DCP1B: variants seen among roughly 807,000 people sequenced by gnomAD.
DCP1B encodes mRNA-decapping enzyme 1B.
In DCP1B, 47 loss-of-function variants were observed where a neutral mutation model predicts 60.5. That is an observed-to-expected ratio of 0.78 (90% CI 0.61 to 0.99). The LOEUF is 0.99. Among genes scored for constraint, DCP1B ranks in the 50% least tolerant of loss-of-function variants. DCP1B has a pLI of 0.00. For missense variants in DCP1B, 725 were observed against 756.8 expected (o/e 0.96, Z 0.49); for synonymous variants, 267 against 280.3 (o/e 0.95, Z 0.47).
At chr12:1,988,457 G>A (rs2038426047) in intron 3 of DCP1B, among the ~76,000 whole-genome samples, 1 of 152,176 alleles carries the variant, frequency 6.6e-6, no homozygotes, top group African/African-American at 2.4e-5. Flanking sequence ...TTACCATTCT[G>A]CAGGGTGGGT....
Position 1,987,319 on chromosome 12 carries a change from C to A in DCP1B, c.319+5945G>T, listed in dbSNP as rs371211435. ...CTAGTATGCTACTCTTAAACAGGTG[C>A]ACACTGGGCTAGAAAGGCTTTTGTG... On this transcript the variant is annotated intron_variant, in intron 3 of 8. Transcript: ENST00000280665. Among the ~76,000 whole-genome samples, 4 of 152,184 alleles carry A rather than the reference C, an allele frequency of 2.6e-5. No homozygotes were observed. In the East Asian group the frequency reaches 7.7e-4, roughly 29 times the overall value.
chr12:1,950,623 T>C (rs1031172959), intron 7 of DCP1B, among the ~76,000 whole-genome samples: 2 of 152,208 alleles, frequency 1.3e-5, no homozygotes, highest in African/African-American at 4.8e-5. Context: ...TTTTGGCACA[T>C]GCCTAAGGTC....
chr12:2,003,702 A>T (rs2042705647), intron 1 of DCP1B, among the ~76,000 whole-genome samples: 1 of 152,226 alleles, frequency 6.6e-6, no homozygotes, highest in Non-Finnish European at 1.5e-5. Context: ...TCTTCCCAAG[A>T]GCATCAGCTT....
rs1300130436 is a variant in DCP1B at position 1,962,952 on chromosome 12, G to C, written c.522+2606C>G. 1.3e-5 allele frequency among the ~76,000 whole-genome samples: 2 copies of C among 152,130 alleles called. No homozygotes were observed. Among genetic ancestry groups the C allele is most frequent in the Admixed American group, 6.5e-5 (1 of 15,276 alleles). ...TGCCTATATGTGCCACTTCATTCAG[G>C]ATTTTTCTGATTGCTTCCTCATAGC... is the stretch of plus-strand genomic sequence containing the variant. On this transcript the variant is annotated intron_variant, in intron 5 of 8. Transcript: ENST00000280665. The surrounding 1 kb of genome is among the most constrained non-coding windows in gnomAD (Gnocchi z 4.4).
chr12:1,974,417 A>C (rs2033625250), intron 3 of DCP1B, among the ~76,000 whole-genome samples: 1 of 152,132 alleles, frequency 6.6e-6, no homozygotes, highest in South Asian at 2.1e-4. Flanking sequence ...TGTCATTAGG[A>C]TATGAGCTCC....
intron 3 of DCP1B, 150 bp from the exon 4 acceptor site, chr12:1,968,060 T>C (rs966063408): frequency 5.7e-6 from 4 of 701,294 alleles, no homozygotes; most frequent in African/African-American, 5.4e-5. Context: ...TCATTGGGGT[T>C]AAAGCTTAAA....
At chr12:1,975,771 A>G (rs1428773747) in intron 3 of DCP1B, among the ~76,000 whole-genome samples, 1 of 152,204 alleles carries the variant, frequency 6.6e-6, no homozygotes, top group East Asian at 1.9e-4. Context: ...ATCACCATAT[A>G]TGACTTTGCC....
At chr12:1,997,038 A>T (rs552805423) in intron 2 of DCP1B, among the ~76,000 whole-genome samples, 7 of 152,318 alleles carry the variant, frequency 4.6e-5, no homozygotes, top group Middle Eastern at 6.8e-3. Flanking sequence ...TGAAAAGTTT[A>T]TTTATTGAGC....
chr12:2,002,134 T>A (rs1310381339), intron 1 of DCP1B, among the ~76,000 whole-genome samples: 1 of 152,220 alleles, frequency 6.6e-6, no homozygotes, highest in Non-Finnish European at 1.5e-5. Flanking sequence ...CCTTCCTAAT[T>A]TCTCCTCCTT....
rs2032379516 is a variant in DCP1B, at chr12:1,971,773, A to G, written c.320-3863T>C. Among the ~76,000 whole-genome samples, 1 of 152,056 alleles carries G rather than the reference A, an allele frequency of 6.6e-6. No homozygotes were observed. On this transcript the variant is annotated intron_variant, in intron 3 of 8. Coordinates refer to ENST00000280665, the MANE Select transcript of DCP1B (RefSeq NM_152640.5). The surrounding 1 kb of genome is among the most constrained non-coding windows in gnomAD (Gnocchi z 4.2). ...AGTTCATTTTGCATGTTCTTTGGGG[A>G]TTTGCCTTATCTCATTTATGTTCCT... is the stretch of plus-strand genomic sequence containing the variant.
chr12:1,987,987 A>G (rs533543934), intron 3 of DCP1B, among the ~76,000 whole-genome samples: 4 of 152,322 alleles, frequency 2.6e-5, no homozygotes, highest in East Asian at 1.9e-4. Context: ...TTTTTCTTGG[A>G]TACCATTCCT....
chr12:1,955,630 T>A, intron 5 of DCP1B, 70 bp from the exon 6 acceptor site: 1 of 1,516,544 alleles, frequency 6.6e-7, no homozygotes, highest in Non-Finnish European at 8.9e-7. Flanking sequence ...AGACTACCTT[T>A]TTACTTCTTA....
At chr12:1,957,219 T>A (rs2030916868) in intron 5 of DCP1B, among the ~76,000 whole-genome samples, 1 of 152,204 alleles carries the variant, frequency 6.6e-6, no homozygotes, top group Non-Finnish European at 1.5e-5. Flanking sequence ...TATAATGGAT[T>A]CTTCACAGAG....
downstream of DCP1B, among the ~76,000 whole-genome samples, chr12:1,943,977 G>GTTCAAATAATATTC (rs2030344147): frequency 2.6e-5 from 4 of 152,210 alleles, no homozygotes; most frequent in East Asian, 7.7e-4. Context: ...ATTCAAATAG[G>GTTCAAATAATATTC]AACAGAGGAA....
At chr12:1,989,135 A>C (rs2038668168) in intron 3 of DCP1B, among the ~76,000 whole-genome samples, 1 of 152,040 alleles carries the variant, frequency 6.6e-6, no homozygotes, top group South Asian at 2.1e-4. Context: ...TGTAATGCCA[A>C]CTACTCAGGA....
intron 6 of DCP1B, 95 bp from the exon 7 acceptor site, chr12:1,953,383 T>C (rs1303968639): frequency 9.8e-6 from 13 of 1,326,640 alleles, no homozygotes; most frequent in South Asian, 8.0e-5. Flanking sequence ...ACTTATTCTA[T>C]TTACAAAGGA....
At chr12:1,993,656 GTA>G (rs71057814) in intron 2 of DCP1B, among the ~76,000 whole-genome samples, 18,585 of 151,370 alleles carry the variant, frequency 0.12, 1,370 homozygotes, top group Admixed American at 0.18. Flanking sequence ...GTGTGTGTGT[GTA>G]TACAGATGTT....
In DCP1B at chr12:1,948,459, T is replaced by C. The variant is rs555783231; in HGVS notation, c.1773+627A>G. Among the ~76,000 whole-genome samples the C allele has an allele frequency of 2.0e-5, 3 of 152,344 alleles. No homozygotes were observed. Among genetic ancestry groups the C allele is most frequent in the South Asian group, 4.1e-4 (2 of 4,824 alleles). ...AGTGAATGAGTTATATGCTTGTGTG[T>C]AGCACTGAAAATAGGGCCCGGCGCC... On this transcript the variant is annotated intron_variant, in intron 8 of 8. Transcript: ENST00000280665. The surrounding 1 kb of genome is among the most constrained non-coding windows in gnomAD (Gnocchi z 4.8).
chr12:1,942,761 G>A (rs116219035), downstream of DCP1B, among the ~76,000 whole-genome samples: 2,507 of 152,184 alleles, frequency 0.016, 67 homozygotes, highest in African/African-American at 0.057. Flanking sequence ...AAGACATATC[G>A]CACCAGAATC....
Sources: allele counts gnomAD v4.1 joint callset (sites outside exome capture counted in the v4.1 genomes callset), GRCh38; gene constraint gnomAD v4.1.1; non-coding constraint Gnocchi (gnomAD v3.1); transcripts MANE v1.5; gene names NCBI Gene and HGNC (gene_info 2026-07-23, HGNC 2026-07-21).